Variants in B3GALT1 observed in about 807,000 individuals in gnomAD.
B3GALT1 encodes beta-1,3-galactosyltransferase 1, also known as UDP-Gal:betaGlcNAc beta 1,3-galactosyltransferase, polypeptide 1.
A neutral mutation model predicts 23.2 loss-of-function variants in B3GALT1; 10 were observed. That is an observed-to-expected ratio of 0.43 (90% CI 0.27 to 0.73). The LOEUF (loss-of-function observed/expected upper bound fraction) is 0.73, where lower values mean the gene tolerates loss of function less well. Ranked by LOEUF, B3GALT1 falls within the 30% of genes least tolerant of loss-of-function variation. The pLI is 0.21. For missense variants in B3GALT1, 299 were observed against 405.4 expected (o/e 0.74, Z 2.25); for synonymous variants, 156 against 141.5 (o/e 1.10, Z -0.73).
chr2:167,302,912 G>T (rs1305767469), intron 1 of B3GALT1, among the ~76,000 whole-genome samples: 1 of 152,140 alleles, frequency 6.6e-6, no homozygotes, highest in Non-Finnish European at 1.5e-5. Context: ...AATTATAACT[G>T]AAAGAAGAAC....
At chr2:167,365,481 A>G (rs908250252) in intron 1 of B3GALT1, among the ~76,000 whole-genome samples, 31 of 152,068 alleles carry the variant, frequency 2.0e-4, no homozygotes, top group African/African-American at 6.0e-4. Context: ...TGCTGTCATA[A>G]TGATATTTTT....
At chr2:167,388,736 C>T (rs1395065011) in intron 1 of B3GALT1, among the ~76,000 whole-genome samples, 1 of 152,140 alleles carries the variant, frequency 6.6e-6, no homozygotes, top group Admixed American at 6.5e-5. Flanking sequence ...AAGTCCCTGG[C>T]AGATGATGAA....
chr2:167,444,328 CT>C (rs755066057), intron 1 of B3GALT1, among the ~76,000 whole-genome samples: 1 of 152,128 alleles, frequency 6.6e-6, no homozygotes, highest in African/African-American at 2.4e-5. Context: ...CTAAAATTCT[CT>C]TTTTTTGTTT....
At chr2:167,463,483 A>G (rs1037635970) in intron 1 of B3GALT1, among the ~76,000 whole-genome samples, 14 of 152,108 alleles carry the variant, frequency 9.2e-5, no homozygotes, top group Admixed American at 9.2e-4. Flanking sequence ...TTACAAACCC[A>G]AGGTAATAGG....
At chr2:167,424,223 G>T (rs529175303) in intron 1 of B3GALT1, among the ~76,000 whole-genome samples, 1 of 152,072 alleles carries the variant, frequency 6.6e-6, no homozygotes, top group Non-Finnish European at 1.5e-5. Flanking sequence ...TAAAGAAAAA[G>T]AAATTTTGGA....
At chr2:167,697,345 A>G (rs1372149416) in intron 3 of B3GALT1, among the ~76,000 whole-genome samples, 1 of 152,208 alleles carries the variant, frequency 6.6e-6, no homozygotes, top group African/African-American at 2.4e-5. Context: ...AGTTCCTTTC[A>G]TCCTAGCATC....
At chr2:167,488,446 A>G (rs925532379) in intron 1 of B3GALT1, among the ~76,000 whole-genome samples, 1 of 152,336 alleles carries the variant, frequency 6.6e-6, no homozygotes, top group South Asian at 2.1e-4. Flanking sequence ...TTCTGGGTAT[A>G]TGTGTGCTTA....
At chr2:167,320,300 C>T (rs905086229) in intron 1 of B3GALT1, among the ~76,000 whole-genome samples, 1 of 151,672 alleles carries the variant, frequency 6.6e-6, no homozygotes, top group Non-Finnish European at 1.5e-5. Flanking sequence ...AGAGATTCTC[C>T]TGCCTCAGCC....
intron 1 of B3GALT1, among the ~76,000 whole-genome samples, chr2:167,454,822 T>G (rs1454840143): frequency 6.6e-6 from 1 of 152,168 alleles, no homozygotes; most frequent in Non-Finnish European, 1.5e-5. Flanking sequence ...AATGTGAGTC[T>G]TAACCATGCT....
chr2:167,695,576 A>T (rs531178032), intron 3 of B3GALT1, among the ~76,000 whole-genome samples: 1 of 152,120 alleles, frequency 6.6e-6, no homozygotes, highest in East Asian at 1.9e-4. Context: ...CCTGCTGTTT[A>T]TCAAATGCAC....
intron 3 of B3GALT1, among the ~76,000 whole-genome samples, chr2:167,667,726 C>T (rs903065914): frequency 3.9e-5 from 6 of 152,218 alleles, no homozygotes; most frequent in African/African-American, 1.4e-4. Flanking sequence ...GATGCCCTTT[C>T]TTCCAGTTGA....
intron 2 of B3GALT1, among the ~76,000 whole-genome samples, chr2:167,494,193 A>G (rs1168436382): frequency 6.6e-6 from 1 of 152,164 alleles, no homozygotes; most frequent in Non-Finnish European, 1.5e-5. Flanking sequence ...AGATTACAGC[A>G]TTTTTAAAAA....
intron 3 of B3GALT1, among the ~76,000 whole-genome samples, chr2:167,816,025 G>T (rs1284828344): frequency 6.6e-6 from 1 of 152,152 alleles, no homozygotes. Flanking sequence ...CTGGAAAGTT[G>T]CAGTGCCTCT....
At chr2:167,593,555 A>G (rs765490294) in intron 2 of B3GALT1, among the ~76,000 whole-genome samples, 3 of 152,216 alleles carry the variant, frequency 2.0e-5, no homozygotes, top group Non-Finnish European at 2.9e-5. Flanking sequence ...TTTCAGTTTT[A>G]TAGATATACT....
chr2:167,742,798 C>G (rs887516162), intron 3 of B3GALT1, among the ~76,000 whole-genome samples: 2 of 152,062 alleles, frequency 1.3e-5, no homozygotes, highest in Admixed American at 6.6e-5. Context: ...GAAATTGTTG[C>G]CCAACTTAAA....
At chr2:167,748,690 G>T (rs1278306502) in intron 3 of B3GALT1, among the ~76,000 whole-genome samples, 1 of 152,204 alleles carries the variant, frequency 6.6e-6, no homozygotes, top group Non-Finnish European at 1.5e-5. Context: ...TGAAGTCAAA[G>T]TATAATGCCT....
At chr2:167,413,271 C>G (rs1201237196) in intron 1 of B3GALT1, among the ~76,000 whole-genome samples, 1 of 151,890 alleles carries the variant, frequency 6.6e-6, no homozygotes, top group African/African-American at 2.4e-5. Context: ...ATTTAATTGA[C>G]CTAATATATG....
intron 2 of B3GALT1, among the ~76,000 whole-genome samples, chr2:167,504,682 ATGG>A (rs1410866407): frequency 2.0e-5 from 3 of 152,178 alleles, no homozygotes; most frequent in African/African-American, 7.2e-5. Context: ...TGTATATATG[ATGG>A]TGGTCTCACA....
intron 2 of B3GALT1, among the ~76,000 whole-genome samples, chr2:167,550,382 C>A (rs1239656964): frequency 3.3e-5 from 5 of 152,182 alleles, no homozygotes; most frequent in Non-Finnish European, 5.9e-5. Context: ...ACTTTAAGAA[C>A]CTGTGGCATT....
Sources: allele counts gnomAD v4.1 joint callset (sites outside exome capture counted in the v4.1 genomes callset), GRCh38; gene constraint gnomAD v4.1.1; transcripts MANE v1.5; gene names NCBI Gene and HGNC (gene_info 2026-07-23, HGNC 2026-07-21).